Variants in ENC1 observed in about 807,000 individuals in gnomAD.
The protein encoded by ENC1 is ectoderm-neural cortex protein 1.
In ENC1, 19 loss-of-function variants were observed where a neutral mutation model predicts 40.9. The ratio of observed to expected loss-of-function variants is 0.46; its 90% CI spans 0.32 to 0.68. The LOEUF is 0.68. ENC1 is among the 30% of genes least tolerant of loss of function. ENC1 has a pLI of 0.03. For synonymous variants in ENC1, 285 were observed against 291.1 expected, an observed-to-expected ratio of 0.98 and a Z score of 0.21; for missense variants, 479 against 737.5, an observed-to-expected ratio of 0.65 and a Z score of 4.06.
chr5:74,635,221 T>C lies in ENC1; in HGVS notation c.1265A>G (p.Asn422Ser), dbSNP rs1465206214. 1 of 1,614,194 alleles carries C rather than the reference T, an allele frequency of 6.2e-7. No homozygotes were observed. Among genetic ancestry groups the C allele is most frequent in the South Asian group, 1.1e-5 (1 of 91,084 alleles). Residue 422 changes from asparagine to serine, a missense_variant, in exon 2 of 3, where the codon AAC (asparagine) becomes AGC (serine). Coordinates refer to ENST00000302351, the MANE Select transcript of ENC1 (RefSeq NM_003633.4). The surrounding 1 kb of genome is among the most constrained non-coding windows in gnomAD (Gnocchi z 5.5). ...KQVEHYDPTI[N>S]KWTMVAPLRE... ...GAGTGGGGCCACCATGGTCCATTTG[T>C]TGATTGTGGGGTCATAATGTTCTAC...
At chr5:74,639,067 G>C (rs1331800536) in intron 1 of ENC1, among the ~76,000 whole-genome samples, 2 of 152,250 alleles carry the variant, frequency 1.3e-5, no homozygotes, top group African/African-American at 2.4e-5. Context: ...CAACAAGCCA[G>C]AAGGAAGAGC....
chr5:74,634,570 G>A, intron 2 of ENC1, 114 bp downstream of exon 2: 1 of 626,796 alleles, frequency 1.6e-6, no homozygotes, highest in Admixed American at 2.9e-5. Flanking sequence ...TATTTTTACA[G>A]CTTTGGTAGT....
At chr5:74,633,895 G>A (rs1371980810) in intron 2 of ENC1, among the ~76,000 whole-genome samples, 3 of 152,148 alleles carry the variant, frequency 2.0e-5, no homozygotes, top group Non-Finnish European at 2.9e-5. Flanking sequence ...AATTCCCCAC[G>A]GGGTTGTTGT....
In ENC1 at chr5:74,635,191, T is replaced by C; in HGVS notation, c.1295A>G (p.Glu432Gly). The change falls in exon 2 of 3, where the codon GAA becomes GGA. Residue 432 changes from glutamate to glycine, a missense_variant. By Grantham distance (98) the Glu-to-Gly change is moderately conservative. Transcript: ENST00000302351. The surrounding 1 kb of genome is among the most constrained non-coding windows in gnomAD (Gnocchi z 5.5). ...CACTACTGCGGCGTTGCTAACGCCTTCTCGGAGTGGGGCCACCATGGTCCA... is the reference window on the plus strand; with the variant it reads ...CACTACTGCGGCGTTGCTAACGCCTCCTCGGAGTGGGGCCACCATGGTCCA... ...NKWTMVAPLR[E>G]GVSNAAVVSA... 6.2e-7 allele frequency: 1 copy of C among 1,614,226 alleles called. No homozygotes were observed.
chr5:74,636,192 C>T lies in ENC1; in HGVS notation c.294G>A (p.Leu98=), dbSNP rs1180489847. Residue 98 remains leucine (L), a synonymous_variant, in exon 2 of 3, where the codon TTG becomes TTA. Coordinates refer to ENST00000302351, the MANE Select transcript of ENC1 (RefSeq NM_003633.4). This position sits in a 1 kb window ranked among gnomAD's most constrained non-coding sequence, Gnocchi z 4.8. ...AGTACGCATAGTCAAGCAGCAGCTC[C>T]AAGACTTCTGGGTGGATGGAATTGT... ...NFDNSIHPEV[L]ELLLDYAYSS... 4 of 1,614,166 alleles carry T rather than the reference C, an allele frequency of 2.5e-6. No individual in the cohort carries two copies. Among genetic ancestry groups the T allele is most frequent in the Non-Finnish European group, 3.4e-6 (4 of 1,180,038 alleles).
chr5:74,633,518 T>TA (rs1294696455), intron 2 of ENC1, among the ~76,000 whole-genome samples: 4 of 152,202 alleles, frequency 2.6e-5, no homozygotes, highest in Non-Finnish European at 5.9e-5. Context: ...TTAAAGGTAA[T>TA]AAACGCCTTA....
intron 2 of ENC1, among the ~76,000 whole-genome samples, chr5:74,633,636 A>T (rs989836877): frequency 6.6e-6 from 1 of 152,266 alleles, no homozygotes; most frequent in South Asian, 2.1e-4. Context: ...ATCATTCTAC[A>T]AAGGGTTTGA....
chr5:74,627,728 A>G lies in ENC1; in HGVS notation c.*2297T>C, dbSNP rs1747250188. ...GCAACCAGCCCACAAAATAAGAAGA[A>G]CCTTCTCTGTCTTATGCCAAGGTTT... On this transcript the variant is annotated 3_prime_UTR_variant, in exon 3 of 3. Coordinates refer to ENST00000302351, the MANE Select transcript of ENC1 (RefSeq NM_003633.4). 6.6e-6 allele frequency: 1 copy of G among 152,624 alleles called. No homozygotes were observed. Among genetic ancestry groups the G allele is most frequent in the South Asian group, 2.1e-4 (1 of 4,836 alleles). The allele number at this position is 152,624 out of a possible 1,614,324, so 9.5% of individuals were successfully genotyped here.
At chr5:74,639,640 CAG>C (rs1432468515) in intron 1 of ENC1, among the ~76,000 whole-genome samples, 3 of 152,272 alleles carry the variant, frequency 2.0e-5, no homozygotes, top group African/African-American at 4.8e-5. Flanking sequence ...AGCTTCTTGC[CAG>C]AGTCTTTTTA....
At position 74,635,586 on chromosome 5, in the gene ENC1, C is replaced by T. The variant is rs1747556177; in HGVS notation, c.900G>A (p.Leu300=). The T allele has an allele frequency of 6.2e-7, 1 of 1,614,130 alleles. No homozygotes were observed. Among genetic ancestry groups the T allele is most frequent in the Non-Finnish European group, 8.5e-7 (1 of 1,180,060 alleles). The change falls in exon 2 of 3, where the codon CTG becomes CTA. Residue 300 remains leucine, a synonymous_variant. Transcript: ENST00000302351. The surrounding 1 kb of genome is among the most constrained non-coding windows in gnomAD (Gnocchi z 5.5). ...TGTCACACATGAAAGTCTGTCCTCC[C>T]AGAAGGAAGAGGGCATGGCCAGTTT... ...PRKTGHALFL[L]GGQTFMCDKL...
chr5:74,639,088 A>G (rs1310436841), intron 1 of ENC1, among the ~76,000 whole-genome samples: 1 of 152,238 alleles, frequency 6.6e-6, no homozygotes, highest in Non-Finnish European at 1.5e-5. Context: ...CTAGCCTGTC[A>G]TCTTGGATAC....
At position 74,634,785 on chromosome 5, in the gene ENC1, G is replaced by A. The variant is rs757130384; in HGVS notation, c.1701C>T (p.Ser567=). ...TCAGCGAGTACGGGACAGTGGTGAT[G>A]CTGTTCCACACGTCTAATGTTGGAT... ...CYDPTLDVWN[S]ITTVPYSLIP... The change falls in exon 2 of 3, where the codon AGC becomes AGT. Residue 567 remains serine (S), a synonymous_variant. Coordinates refer to ENST00000302351, the MANE Select transcript of ENC1 (RefSeq NM_003633.4). 1.2e-6 allele frequency: 2 copies of A among 1,613,992 alleles called. No individual in the cohort carries two copies. The highest frequency in any genetic ancestry group is 1.7e-6 in the Non-Finnish European group (2 of 1,179,838).
At position 74,636,159 on chromosome 5, in the gene ENC1, C is replaced by A; in HGVS notation, c.327G>T (p.Arg109=). Residue 109 remains arginine (R), a synonymous_variant, in exon 2 of 3, where the codon CGG becomes CGT. Coordinates refer to ENST00000302351, the MANE Select transcript of ENC1 (RefSeq NM_003633.4). This position sits in a 1 kb window ranked among gnomAD's most constrained non-coding sequence, Gnocchi z 4.8. ...ELLLDYAYSS[R]VIINEENAES... ...CTGCATTTTCTTCATTGATGATGAC[C>A]CGGGAGGAGTACGCATAGTCAAGCA... The A allele has an allele frequency of 6.2e-7, 1 of 1,614,106 alleles. No homozygotes were observed. The highest frequency in any genetic ancestry group is 2.2e-5 in the East Asian group (1 of 44,870).
At chr5:74,638,952 A>T (rs1470935920) in intron 1 of ENC1, among the ~76,000 whole-genome samples, 2 of 152,206 alleles carry the variant, frequency 1.3e-5, no homozygotes, top group African/African-American at 2.4e-5. Context: ...AACATTCACA[A>T]CCAGACTTAC....
At chr5:74,638,985 G>C (rs11750524) in intron 1 of ENC1, among the ~76,000 whole-genome samples, 1 of 152,176 alleles carries the variant, frequency 6.6e-6, no homozygotes, top group African/African-American at 2.4e-5. Context: ...AATTTGCTTA[G>C]AAGACCTTAG....
At position 74,635,348 on chromosome 5, in the gene ENC1, C is replaced by T. The variant is rs1280833267; in HGVS notation, c.1138G>A (p.Gly380Ser). The T allele has an allele frequency of 1.2e-6, 2 of 1,614,066 alleles. No homozygotes were observed. The highest frequency in any genetic ancestry group is 1.7e-6 in the Non-Finnish European group (2 of 1,180,054). The change falls in exon 2 of 3, where the codon GGC (glycine) becomes AGC (serine). Residue 380 changes from glycine (G) to serine (S), a missense_variant. By Grantham distance (56) the Gly-to-Ser change is moderately conservative. Transcript: ENST00000302351. This position sits in a 1 kb window ranked among gnomAD's most constrained non-coding sequence, Gnocchi z 5.5. ...KAAPMLVARF[G>S]HGSAELKHCL... The stretch of plus-strand genomic sequence containing the variant: ...TGCTTCAGTTCAGCAGAGCCATGGC[C>T]AAACCTGGCCACCAGCATGGGGGCA...
At chr5:74,639,235 A>C (rs1311119108) in intron 1 of ENC1, among the ~76,000 whole-genome samples, 1 of 152,252 alleles carries the variant, frequency 6.6e-6, no homozygotes, top group Non-Finnish European at 1.5e-5. Context: ...CAAACCTCAA[A>C]ATATCAGCAG....
rs964542990 is a variant in ENC1, at chr5:74,636,766, T to C, written c.-13-268A>G. 1.3e-5 allele frequency among the ~76,000 whole-genome samples: 2 copies of C among 151,998 alleles called. No individual in the cohort carries two copies. The highest frequency in any genetic ancestry group is 1.3e-4 in the Admixed American group (2 of 15,258). On this transcript the variant is annotated intron_variant, in intron 1 of 2. Transcript: ENST00000302351. This position sits in a 1 kb window ranked among gnomAD's most constrained non-coding sequence, Gnocchi z 4.8. ...AATCACTGCATAAAAAGCAGGTTCATCTTGGAAAACCTGATTGCCAACTTT... is the reference window on the plus strand; with the variant it reads ...AATCACTGCATAAAAAGCAGGTTCACCTTGGAAAACCTGATTGCCAACTTT...
chr5:74,636,166 G>T lies in ENC1; in HGVS notation c.320C>A (p.Ser107Tyr). 1.9e-6 allele frequency: 3 copies of T among 1,614,154 alleles called. No homozygotes were observed. Among genetic ancestry groups the T allele is most frequent in the Non-Finnish European group, 2.5e-6 (3 of 1,180,026 alleles). The change falls in exon 2 of 3, where the codon TCC becomes TAC. Residue 107 changes from serine (S) to tyrosine (Y), a missense_variant. Transcript: ENST00000302351. This position sits in a 1 kb window ranked among gnomAD's most constrained non-coding sequence, Gnocchi z 4.8. ...VLELLLDYAYSSRVIINEENA... is the reference protein window; with the variant it reads ...VLELLLDYAYYSRVIINEENA... ...TTCTTCATTGATGATGACCCGGGAG[G>T]AGTACGCATAGTCAAGCAGCAGCTC... is the stretch of plus-strand genomic sequence containing the variant.
Sources: gnomAD v4.1 joint callset for allele counts (sites outside exome capture counted in the v4.1 genomes callset) on GRCh38, gnomAD v4.1.1 for gene constraint, Gnocchi (gnomAD v3.1) non-coding constraint, MANE v1.5 for transcripts, NCBI Gene and HGNC (gene_info 2026-07-23, HGNC 2026-07-21) for gene names.